The following COL5A1 variants were observed in gnomAD, a reference collection of about 807,000 sequenced individuals.
COL5A1 encodes collagen alpha-1(V) chain.
A neutral mutation model predicts 263.7 loss-of-function variants in COL5A1; 16 were observed. That is an observed-to-expected ratio of 0.06 (90% CI 0.04 to 0.09). The LOEUF is 0.09. Among genes scored for constraint, COL5A1 ranks in the 10% least tolerant of loss-of-function variants. The probability of loss-of-function intolerance (pLI) is 1.00; values close to 1 mark genes in which losing one functional copy is unlikely to be tolerated. For synonymous variants in COL5A1, 1,012 were observed against 1,004.5 expected (o/e 1.01, Z -0.14); for missense variants, 2,036 against 2,540.5 (o/e 0.80, Z 4.27).
Position 134,680,708 on chromosome 9 carries a change from C to T in COL5A1, c.110-10204C>T, listed in dbSNP as rs544792738. ...TGCACCATGATGGGGTCTTGCAGGA[C>T]GGTGACACTGGTGAGGAGATGGACC... On this transcript the variant is annotated intron_variant, in intron 1 of 65. Transcript: ENST00000371817. This position sits in a 1 kb window ranked among gnomAD's most constrained non-coding sequence, Gnocchi z 5.9. 1.9e-4 allele frequency among the ~76,000 whole-genome samples: 29 copies of T among 152,298 alleles called. No individual in the cohort carries two copies. The highest frequency in any genetic ancestry group is 3.4e-3 in the Middle Eastern group (1 of 294).
At chr9:134,697,913 G>A (rs888228610) in intron 2 of COL5A1, among the ~76,000 whole-genome samples, 12 of 152,220 alleles carry the variant, frequency 7.9e-5, no homozygotes, top group Admixed American at 4.6e-4. Flanking sequence ...GTGAAACCCC[G>A]TCTCTACCAA....
At chr9:134,797,004 C>T in intron 36 of COL5A1, 103 bp downstream of exon 36, 1 of 1,214,912 alleles carries the variant, frequency 8.2e-7, no homozygotes, top group South Asian at 1.2e-5. Context: ...GCTCGGAGCT[C>T]CTCACAGTGG....
At chr9:134,749,918 G>C (rs1215847260) in intron 11 of COL5A1, among the ~76,000 whole-genome samples, 1 of 152,254 alleles carries the variant, frequency 6.6e-6, no homozygotes, top group Non-Finnish European at 1.5e-5. Flanking sequence ...CCAGTCCTAG[G>C]TATGTCTGTG....
chr9:134,761,074 CAT>C (rs1836411289), intron 18 of COL5A1, among the ~76,000 whole-genome samples: 1 of 150,260 alleles, frequency 6.7e-6, no homozygotes, highest in Admixed American at 6.6e-5. Context: ...CATGCACACA[CAT>C]GCACACGTGC....
At position 134,716,535 on chromosome 9, in the gene COL5A1, T is replaced by A. The variant is rs1024415913; in HGVS notation, c.655-10731T>A. 2.6e-5 allele frequency among the ~76,000 whole-genome samples: 4 copies of A among 152,204 alleles called. No individual in the cohort carries two copies. Among genetic ancestry groups the A allele is most frequent in the African/African-American group, 9.6e-5 (4 of 41,466 alleles). Reference sequence around the variant, plus strand: ...AGGCCTTTGTGAGGTCACCACCCTTTGGGTGGCGAGTCTTTGAGGAGGTGA... The same window carrying A: ...AGGCCTTTGTGAGGTCACCACCCTTAGGGTGGCGAGTCTTTGAGGAGGTGA... On this transcript the variant is annotated intron_variant, in intron 4 of 65. Transcript: ENST00000371817. This position sits in a 1 kb window ranked among gnomAD's most constrained non-coding sequence, Gnocchi z 4.5.
chr9:134,823,268 C>A, intron 60 of COL5A1, 148 bp from the exon 61 acceptor site: 1 of 1,030,946 alleles, frequency 9.7e-7, no homozygotes, highest in Non-Finnish European at 1.5e-6. Context: ...CAGGAGGGTA[C>A]AGGGGTCTCT....
chr9:134,679,107 G>A (rs1269177038), intron 1 of COL5A1, among the ~76,000 whole-genome samples: 1 of 152,202 alleles, frequency 6.6e-6, no homozygotes. Flanking sequence ...CCTGCCATCA[G>A]CGCTGGGAAA....
rs1588436965 is a variant in COL5A1 at position 134,686,121 on chromosome 9, G to A, written c.110-4791G>A. On this transcript the variant is annotated intron_variant, in intron 1 of 65. Coordinates refer to ENST00000371817, the MANE Select transcript of COL5A1 (RefSeq NM_000093.5). The surrounding 1 kb of genome is among the most constrained non-coding windows in gnomAD (Gnocchi z 4.6). The stretch of plus-strand genomic sequence containing the variant: ...GCTCCTCCTATGTGCCAGTGCTGCA[G>A]TCTTGCTTGTATTTCTTATCAGGGT... Among the ~76,000 whole-genome samples the A allele has an allele frequency of 6.6e-6, 1 of 152,352 alleles. No homozygotes were observed. Among genetic ancestry groups the A allele is most frequent in the African/African-American group, 2.4e-5 (1 of 41,582 alleles).
At chr9:134,657,464 A>AGGG (rs1832044317) in intron 1 of COL5A1, among the ~76,000 whole-genome samples, 1 of 11,940 alleles carries the variant, frequency 8.4e-5, no homozygotes. Flanking sequence ...GGTGGGGTGT[A>AGGG]GGTGTAGTTT....
intron 1 of COL5A1, among the ~76,000 whole-genome samples, chr9:134,648,070 C>T (rs112980632): frequency 0.042 from 6,354 of 152,094 alleles, 343 homozygotes; most frequent in African/African-American, 0.12. Context: ...TAATCAGCCG[C>T]TAGCAGGTGT....
intron 32 of COL5A1, among the ~76,000 whole-genome samples, chr9:134,793,021 T>C (rs115174363): frequency 0.011 from 1,659 of 152,236 alleles, 43 homozygotes; most frequent in African/African-American, 0.037. Flanking sequence ...GTTGGTTCTG[T>C]GGACCTTGAC....
At chr9:134,689,518 T>C (rs190850569) in intron 1 of COL5A1, among the ~76,000 whole-genome samples, 188 of 152,312 alleles carry the variant, frequency 1.2e-3, no homozygotes, top group Non-Finnish European at 2.0e-3. Context: ...ACTCAAACAG[T>C]GTGGCCAGTC....
chr9:134,780,771 G>A (rs563885740), intron 28 of COL5A1, among the ~76,000 whole-genome samples: 25 of 152,358 alleles, frequency 1.6e-4, no homozygotes, highest in Admixed American at 1.4e-3. Context: ...ATGGAGCTGC[G>A]TGGCCGGCCA....
chr9:134,831,527 G>A (rs919480338), intron 64 of COL5A1, among the ~76,000 whole-genome samples: 14 of 152,210 alleles, frequency 9.2e-5, no homozygotes, highest in African/African-American at 2.4e-4. Context: ...TGCTTGGCCC[G>A]GAGGGACAGA....
chr9:134,825,865 G>T lies in COL5A1; in HGVS notation c.5028G>T (p.Gly1676=), dbSNP rs367902089. 2.2e-5 allele frequency: 35 copies of T among 1,613,212 alleles called. No homozygotes were observed. Among genetic ancestry groups the T allele is most frequent in the Non-Finnish European group, 2.8e-5 (33 of 1,179,496 alleles). Residue 1676 remains glycine, a synonymous_variant, in exon 63 of 66, where the codon GGG becomes GGT. Coordinates refer to ENST00000371817, the MANE Select transcript of COL5A1 (RefSeq NM_000093.5). ...AGGTTTACTGCAACTTCACAGCCGG[G>T]GGGTCGACATGCGTCTTCCCTGACA... The part of the protein sequence containing the change: ...SFKVYCNFTA[G]GSTCVFPDKK...
At chr9:134,655,343 G>A (rs1303841405) in intron 1 of COL5A1, among the ~76,000 whole-genome samples, 2 of 151,968 alleles carry the variant, frequency 1.3e-5, no homozygotes, top group East Asian at 3.8e-4. Context: ...GCTCAGAGAA[G>A]CACAGAGCCC....
rs541743083 is a variant in COL5A1, at chr9:134,689,166, A to G, written c.110-1746A>G. 2.6e-5 allele frequency among the ~76,000 whole-genome samples: 4 copies of G among 152,184 alleles called. No individual in the cohort carries two copies. In the East Asian group the frequency reaches 7.7e-4, roughly 29 times the overall value. ...CACTGCGCCATTGTCTCTGGCAGCCACCTCCTCCCGTGGCAGTGCCGAGGC... is the reference window on the plus strand; with the variant it reads ...CACTGCGCCATTGTCTCTGGCAGCCGCCTCCTCCCGTGGCAGTGCCGAGGC... On this transcript the variant is annotated intron_variant, in intron 1 of 65. Transcript: ENST00000371817.
rs367755808 is a variant in COL5A1 at position 134,768,445 on chromosome 9, C to T, written c.2268C>T (p.Pro756=). ...PLGKPGLPGM[P]GADGPPGHPG... is the part of the protein sequence containing the mutation. ...GGAAACCAGGCCTTCCAGGAATGCC[C>T]GGTGCTGACGGACCCCCGGTGAGTA... is the stretch of plus-strand genomic sequence containing the variant. The change falls in exon 25 of 66, where the codon CCC becomes CCT. Residue 756 remains proline, a synonymous_variant. Coordinates refer to ENST00000371817, the MANE Select transcript of COL5A1 (RefSeq NM_000093.5). 9.2e-5 allele frequency: 149 copies of T among 1,614,016 alleles called. No homozygotes were observed. The highest frequency in any genetic ancestry group is 2.2e-4 in the East Asian group (10 of 44,858).
rs1052147679 is a variant in COL5A1 at position 134,829,879 on chromosome 9, C to A, written c.5068-97C>A. ...CCCCCCCGGCGTGAGGATGCAGGCG[C>A]GGGGGCCGGGAAAGCCTGGGGCCTT... On this transcript the variant is annotated intron_variant, in intron 63 of 65. Transcript: ENST00000371817. 1.0e-4 allele frequency: 137 copies of A among 1,373,228 alleles called. No individual in the cohort carries two copies. In the African/African-American group the frequency reaches 1.8e-3, roughly 18 times the overall value. The allele number at this position is 1,373,228 out of a possible 1,614,324, so 85.1% of individuals were successfully genotyped here.
Sources: gnomAD v4.1 joint callset for allele counts (sites outside exome capture counted in the v4.1 genomes callset) on GRCh38, gnomAD v4.1.1 for gene constraint, Gnocchi (gnomAD v3.1) non-coding constraint, MANE v1.5 for transcripts, NCBI Gene and HGNC (gene_info 2026-07-23, HGNC 2026-07-21) for gene names.